CNIH3: variants seen among roughly 807,000 people sequenced by gnomAD.
CNIH3 encodes the protein protein cornichon homolog 3.
A neutral mutation model predicts 24.1 loss-of-function variants in CNIH3; 14 were observed. That is an observed-to-expected ratio of 0.58 (90% confidence interval 0.38 to 0.91). The LOEUF (loss-of-function observed/expected upper bound fraction) is 0.91. CNIH3 is among the 40% of genes least tolerant of loss of function. The pLI, the probability that CNIH3 is intolerant of heterozygous loss-of-function variation, is 0.00. For synonymous variants in CNIH3, 68 were observed against 73.8 expected, an observed-to-expected ratio of 0.92 and a Z score of 0.40; for missense variants, 178 against 196.8, an observed-to-expected ratio of 0.90 and a Z score of 0.57.
chr1:224,541,255 G>T (rs914680203), downstream of CNIH3, among the ~76,000 whole-genome samples: 3 of 152,166 alleles, frequency 2.0e-5, no homozygotes, highest in African/African-American at 7.2e-5. Flanking sequence ...GGAAATTTGG[G>T]CCCTTTCCAG....
chr1:224,696,733 A>T (rs537820382), intron 3 of CNIH3, among the ~76,000 whole-genome samples: 1 of 152,122 alleles, frequency 6.6e-6, no homozygotes, highest in East Asian at 1.9e-4. Context: ...AGCACCTACC[A>T]TGTACATAGT....
chr1:224,515,455 C>T (rs1023356132), upstream of CNIH3, among the ~76,000 whole-genome samples: 1 of 152,156 alleles, frequency 6.6e-6, no homozygotes, highest in Non-Finnish European at 1.5e-5. Flanking sequence ...GGGTTAGATT[C>T]CTCATTAGCA....
At chr1:224,654,104 G>A (rs1684988604) in intron 1 of CNIH3, among the ~76,000 whole-genome samples, 1 of 151,916 alleles carries the variant, frequency 6.6e-6, no homozygotes, top group African/African-American at 2.4e-5. Flanking sequence ...AGATTTGGCT[G>A]GATGCAGTGG....
chr1:224,528,629 G>T (rs1354580694), intron 2 of CNIH3, among the ~76,000 whole-genome samples: 2 of 152,158 alleles, frequency 1.3e-5, no homozygotes, highest in Non-Finnish European at 2.9e-5. Context: ...AATGCCTGGT[G>T]CTAATAGTAG....
chr1:224,476,249 A>C (rs1676582621), intron 1 of CNIH3, among the ~76,000 whole-genome samples: 1 of 152,240 alleles, frequency 6.6e-6, no homozygotes, highest in Non-Finnish European at 1.5e-5. Flanking sequence ...AGACAAGAGA[A>C]AGAAATAAAG....
chr1:224,674,943 G>T (rs1686063880), intron 1 of CNIH3, among the ~76,000 whole-genome samples: 1 of 152,098 alleles, frequency 6.6e-6, no homozygotes, highest in African/African-American at 2.4e-5. Flanking sequence ...CTACCCCAGA[G>T]CCTCACCCTT....
At chr1:224,500,853 A>G (rs1287611817) in intron 1 of CNIH3, among the ~76,000 whole-genome samples, 1 of 152,090 alleles carries the variant, frequency 6.6e-6, no homozygotes, top group African/African-American at 2.4e-5. Flanking sequence ...CCCACAATGC[A>G]GTGGATGCCT....
intron 4 of CNIH3, among the ~76,000 whole-genome samples, chr1:224,573,965 T>C (rs186490778): frequency 2.2e-4 from 33 of 152,304 alleles, no homozygotes; most frequent in African/African-American, 7.2e-4. Flanking sequence ...GGTCTCACAG[T>C]GTTGCCCAGG....
intron 3 of CNIH3, among the ~76,000 whole-genome samples, chr1:224,708,321 C>G (rs1398900473): frequency 1.3e-5 from 2 of 152,168 alleles, no homozygotes; most frequent in East Asian, 3.8e-4. Context: ...GATCAGCTCC[C>G]TCTTTTGAGT....
At chr1:224,724,936 C>T (rs1364240795) in intron 3 of CNIH3, among the ~76,000 whole-genome samples, 1 of 152,172 alleles carries the variant, frequency 6.6e-6, no homozygotes, top group Non-Finnish European at 1.5e-5. Context: ...ACCGGCCAGG[C>T]ATGGTGGCTC....
intron 3 of CNIH3, among the ~76,000 whole-genome samples, chr1:224,602,365 TA>T (rs1316072103): frequency 1.3e-5 from 2 of 152,252 alleles, no homozygotes; most frequent in Admixed American, 1.3e-4. Context: ...ACTTCTATAA[TA>T]TTTTAAATTG....
intron 1 of CNIH3, among the ~76,000 whole-genome samples, chr1:224,461,884 A>C (rs1675925337): frequency 1.3e-5 from 2 of 152,252 alleles, no homozygotes; most frequent in South Asian, 4.1e-4. Context: ...ACATATATAA[A>C]TGGAGTCATA....
At chr1:224,612,270 G>A (rs1682736036), upstream of CNIH3, among the ~76,000 whole-genome samples, 1 of 152,162 alleles carries the variant, frequency 6.6e-6, no homozygotes, top group Non-Finnish European at 1.5e-5. This position sits in a 1 kb window ranked among gnomAD's most constrained non-coding sequence, Gnocchi z 4.7. Context: ...AAAGCTGAGA[G>A]TGATTCAGAA....
intron 4 of CNIH3, among the ~76,000 whole-genome samples, chr1:224,731,577 T>C (rs1235183700): frequency 6.6e-6 from 1 of 152,206 alleles, no homozygotes; most frequent in East Asian, 1.9e-4. Flanking sequence ...ACCTAAGACA[T>C]GCACTCCTTC....
chr1:224,585,297 C>A (rs1032704397), intron 5 of CNIH3, among the ~76,000 whole-genome samples: 1 of 152,226 alleles, frequency 6.6e-6, no homozygotes, highest in East Asian at 1.9e-4. Flanking sequence ...TTCCAGACCC[C>A]GCAATCACTC....
At chr1:224,538,645 T>TTCTC (rs375750092), downstream of CNIH3, among the ~76,000 whole-genome samples, 4 of 148,938 alleles carry the variant, frequency 2.7e-5, no homozygotes, top group African/African-American at 1.0e-4. Context: ...CTCCTCCTCC[T>TTCTC]TCTCTCTCTC....
At chr1:224,566,003 T>A (rs563983235) in intron 3 of CNIH3, among the ~76,000 whole-genome samples, 1 of 150,786 alleles carries the variant, frequency 6.6e-6, no homozygotes, top group African/African-American at 2.4e-5. Context: ...GGAGCACCAG[T>A]GAAAACACAG....
chr1:224,546,768 C>A, intron 2 of CNIH3: 1 of 346,394 alleles, frequency 2.9e-6, no homozygotes, highest in Non-Finnish European at 4.1e-6. Flanking sequence ...CTAAGGTCAG[C>A]AGAGCCTCAG....
chr1:224,572,601 A>T (rs780927666), intron 4 of CNIH3, among the ~76,000 whole-genome samples: 4 of 150,174 alleles, frequency 2.7e-5, no homozygotes, highest in Non-Finnish European at 4.4e-5. Flanking sequence ...ATTATTGGAG[A>T]TTGATCCCTT....
Sources: allele counts gnomAD v4.1 joint callset (sites outside exome capture counted in the v4.1 genomes callset), GRCh38; gene constraint gnomAD v4.1.1; non-coding constraint Gnocchi (gnomAD v3.1); transcripts MANE v1.5; gene names NCBI Gene and HGNC (gene_info 2026-07-23, HGNC 2026-07-21).